Variants in CLSTN3 observed in about 807,000 individuals in gnomAD.
CLSTN3 encodes the protein calsyntenin 3, also known as calsyntenin-3.
In CLSTN3, 36 loss-of-function variants were observed where a neutral mutation model predicts 95.9. The observed-to-expected ratio is 0.38, with a 90% CI of 0.29 to 0.50. The LOEUF (loss-of-function observed/expected upper bound fraction) is 0.50, where lower values mean the gene tolerates loss of function less well. CLSTN3 is among the 20% of genes least tolerant of loss of function. The pLI, the probability that CLSTN3 is intolerant of heterozygous loss-of-function variation, is 0.95. For synonymous variants in CLSTN3, 481 were observed against 504.0 expected, an observed-to-expected ratio of 0.95 and a Z score of 0.61; for missense variants, 1,084 against 1,268.8, an observed-to-expected ratio of 0.85 and a Z score of 2.21.
At chr12:7,152,391 G>T (rs747821226) in intron 16 of CLSTN3, among the ~76,000 whole-genome samples, 1 of 152,232 alleles carries the variant, frequency 6.6e-6, no homozygotes, top group East Asian at 1.9e-4. Flanking sequence ...TTTTGACCCT[G>T]TTCAGTGTTA....
At chr12:7,136,502 C>G in intron 6 of CLSTN3, 111 bp downstream of exon 6, 1 of 1,097,004 alleles carries the variant, frequency 9.1e-7, no homozygotes, top group Non-Finnish European at 1.3e-6. Context: ...AGGTGTTTAT[C>G]CATAGAGGTT....
chr12:7,156,500 G>A, intron 16 of CLSTN3: 1 of 456,860 alleles, frequency 2.2e-6, no homozygotes, highest in South Asian at 1.5e-5. Flanking sequence ...GCTCTACCGT[G>A]CCTTGCTGGA....
rs750797901 is a variant in CLSTN3 at position 7,157,566 on chromosome 12, C to T, written c.2605C>T (p.Arg869Cys). The T allele has an allele frequency of 4.3e-5, 70 of 1,612,894 alleles. No individual in the cohort carries two copies. Among genetic ancestry groups the T allele is most frequent in the Non-Finnish European group, 5.7e-5 (67 of 1,179,604 alleles). ...LVLMVVLGLV[R>C]IHSLHRRVSG... ...GCTCATGGTCGTCCTGGGCCTGGTGCGCATCCATTCCCTTCACCGCCGCGT... is the reference window on the plus strand; with the variant it reads ...GCTCATGGTCGTCCTGGGCCTGGTGTGCATCCATTCCCTTCACCGCCGCGT... The change falls in exon 17 of 18, where the codon CGC (arginine) becomes TGC (cysteine). Residue 869 changes from arginine (R) to cysteine (C), a missense_variant. Arg to Cys is a radical substitution (Grantham distance 180). Coordinates refer to ENST00000266546, the MANE Select transcript of CLSTN3 (RefSeq NM_014718.4). This position sits in a 1 kb window ranked among gnomAD's most constrained non-coding sequence, Gnocchi z 5.9.
intron 12 of CLSTN3, 109 bp downstream of exon 12, chr12:7,143,420 A>G: frequency 7.8e-7 from 1 of 1,276,562 alleles, no homozygotes; most frequent in South Asian, 1.4e-5. Flanking sequence ...TGTTTTATGG[A>G]TGAGGAGATT....
Position 7,141,422 on chromosome 12 carries a change from G to C in CLSTN3, c.1486+18G>C, listed in dbSNP as rs370124618. On this transcript the variant is annotated intron_variant, in intron 9 of 17. Transcript: ENST00000266546. The surrounding 1 kb of genome is among the most constrained non-coding windows in gnomAD (Gnocchi z 4.1). ...CTGGACTGGTAAGCTTCTCAGTGAA[G>C]ACTCCAGTGGTTCAGGATTTGGGAA... is the stretch of plus-strand genomic sequence containing the variant. The C allele has an allele frequency of 6.2e-7, 1 of 1,614,008 alleles. No homozygotes were observed. Among genetic ancestry groups the C allele is most frequent in the Admixed American group, 1.7e-5 (1 of 59,998 alleles).
intron 12 of CLSTN3, 115 bp from the exon 13 acceptor site, chr12:7,148,857 C>T (rs1846750730): frequency 2.3e-6 from 2 of 864,310 alleles, no homozygotes; most frequent in Non-Finnish European, 3.6e-6. Flanking sequence ...CCTGCCCCTT[C>T]CTGACATGAG....
chr12:7,139,879 C>T (rs1019362713), intron 8 of CLSTN3, among the ~76,000 whole-genome samples: 4 of 152,100 alleles, frequency 2.6e-5, no homozygotes, highest in Non-Finnish European at 5.9e-5. Flanking sequence ...GATCTCTTGA[C>T]GTGATCCACC....
At chr12:7,151,545 G>A (rs1394516876) in intron 16 of CLSTN3, among the ~76,000 whole-genome samples, 3 of 152,160 alleles carry the variant, frequency 2.0e-5, no homozygotes, top group South Asian at 4.1e-4. Context: ...TATGTGCTAC[G>A]TATGCAGTCA....
chr12:7,129,220 A>G (rs1045845393), upstream of CLSTN3: 1 of 239,928 alleles, frequency 4.2e-6, no homozygotes, highest in East Asian at 9.5e-5. The surrounding 1 kb of genome is among the most constrained non-coding windows in gnomAD (Gnocchi z 5.5). Context: ...CTTTCCTGGG[A>G]GACACCTGAG....
chr12:7,130,303 T>TTCCCCC, upstream of CLSTN3: 1 of 778,326 alleles, frequency 1.3e-6, no homozygotes, highest in South Asian at 2.6e-5. Context: ...CAGCACCTGG[T>TTCCCCC]CCCCCCCCCT....
chr12:7,137,795 TGAGAGA>T lies in CLSTN3; in HGVS notation c.1211-138_1211-133del, dbSNP rs71067156. Among the ~76,000 whole-genome samples, 92 of 70,662 alleles carry T rather than the reference TGAGAGA, an allele frequency of 1.3e-3. 1 individual carries two copies. The highest frequency in any genetic ancestry group is 2.7e-3 in the East Asian group (5 of 1,882). The allele number at this position is 70,662 out of a possible 152,430, so 46.4% of individuals were successfully genotyped here. A position where few individuals can be genotyped will look rare whatever the true frequency, so the allele number is the denominator to read the frequency against. ...GTGTGTGTGTGTGTGTGTGTGTGTGTGAGAGAGAGAGAGAGAGAGAGAGAGAGGAAA... is the reference window on the plus strand; with the variant it reads ...GTGTGTGTGTGTGTGTGTGTGTGTGTGAGAGAGAGAGAGAGAGAGAGGAAA... On this transcript the variant is annotated intron_variant, in intron 7 of 17. Transcript: ENST00000266546. The surrounding 1 kb of genome is among the most constrained non-coding windows in gnomAD (Gnocchi z 4.4).
intron 8 of CLSTN3, among the ~76,000 whole-genome samples, chr12:7,140,395 GTA>G (rs1293814542): frequency 6.6e-6 from 1 of 152,130 alleles, no homozygotes. Flanking sequence ...AGTTACCAGT[GTA>G]TAACTATGGT....
chr12:7,141,985 A>G lies in CLSTN3; in HGVS notation c.1487-101A>G. ...GGTCAGAATCCCATGTGGGCATGAG[A>G]GCACTCATGGGGATGAGAGGAAGAC... On this transcript the variant is annotated intron_variant, in intron 9 of 17. Transcript: ENST00000266546. The surrounding 1 kb of genome is among the most constrained non-coding windows in gnomAD (Gnocchi z 4.1). 2.3e-6 allele frequency: 2 copies of G among 888,884 alleles called. No individual in the cohort carries two copies. The highest frequency in any genetic ancestry group is 3.4e-6 in the Non-Finnish European group (2 of 582,046). The allele number at this position is 888,884 out of a possible 1,614,324, so 55.1% of individuals were successfully genotyped here.
At position 7,157,906 on chromosome 12, in the gene CLSTN3, A is replaced by G; in HGVS notation, c.2731-35A>G. 2 of 1,547,846 alleles carry G rather than the reference A, an allele frequency of 1.3e-6. No homozygotes were observed. The highest frequency in any genetic ancestry group is 2.0e-5 in the Admixed American group (1 of 50,924). ...AGAGAGGCTGGGATGTGTGCAGGCC[A>G]TTGATCCCTTCTCCTCTCTGTTCCT... On this transcript the variant is annotated intron_variant, in intron 17 of 17. Coordinates refer to ENST00000266546, the MANE Select transcript of CLSTN3 (RefSeq NM_014718.4). This position sits in a 1 kb window ranked among gnomAD's most constrained non-coding sequence, Gnocchi z 5.9.
In CLSTN3 at chr12:7,149,442, G is replaced by A; in HGVS notation, c.2075-81G>A. 3 of 1,323,316 alleles carry A rather than the reference G, an allele frequency of 2.3e-6. No individual in the cohort carries two copies. The highest frequency in any genetic ancestry group is 3.2e-6 in the Non-Finnish European group (3 of 944,058). The allele number at this position is 1,323,316 out of a possible 1,614,324, so 82.0% of individuals were successfully genotyped here. ...CCCTGGCCCTGGAAAGGGAGGGAGA[G>A]TGGTGATGAGGGCATGGTTGGGTCT... On this transcript the variant is annotated intron_variant, in intron 13 of 17. Coordinates refer to ENST00000266546, the MANE Select transcript of CLSTN3 (RefSeq NM_014718.4). The surrounding 1 kb of genome is among the most constrained non-coding windows in gnomAD (Gnocchi z 4.5).
rs769912205 is a variant in CLSTN3, at chr12:7,157,138, CAG to C, written c.2528-350_2528-349del. On this transcript the variant is annotated intron_variant, in intron 16 of 17. Transcript: ENST00000266546. This position sits in a 1 kb window ranked among gnomAD's most constrained non-coding sequence, Gnocchi z 5.9. ...TCTGGGGAAGGCACAGGTGGAATGA[CAG>C]GGGCAGATTCCAGTCCTTGCCCTCT... Among the ~76,000 whole-genome samples, 4 of 152,198 alleles carry C rather than the reference CAG, an allele frequency of 2.6e-5. No individual in the cohort carries two copies. The highest frequency in any genetic ancestry group is 5.9e-5 in the Non-Finnish European group (4 of 68,042).
At position 7,130,441 on chromosome 12, in the gene CLSTN3, C is replaced by T; in HGVS notation, c.-208C>T. The T allele has an allele frequency of 1.4e-6, 2 of 1,461,094 alleles. No individual in the cohort carries two copies. Among genetic ancestry groups the T allele is most frequent in the South Asian group, 1.4e-5 (1 of 71,864 alleles). 90.5% of individuals were successfully genotyped at this position (1,461,094 alleles called of 1,614,324 possible). A position where few individuals can be genotyped will look rare whatever the true frequency, so the allele number is the denominator to read the frequency against. ...CTGGGCTGGGGGAAACGGGAAGCCGCTGCAAGTCCACCGCCTCAGCTACCC... is the reference window on the plus strand; with the variant it reads ...CTGGGCTGGGGGAAACGGGAAGCCGTTGCAAGTCCACCGCCTCAGCTACCC... On this transcript the variant is annotated 5_prime_UTR_variant, in exon 1 of 18. Coordinates refer to ENST00000266546, the MANE Select transcript of CLSTN3 (RefSeq NM_014718.4).
rs1230102445 is a variant in CLSTN3 at position 7,150,669 on chromosome 12, A to C, written c.2371A>C (p.Ser791Arg). ...SCSEMNGRYS[S>R]NEFIVEVNVL... ...CTCGGAAATGAATGGCCGTTACTCC[A>C]GCAATGAATTCATCGTGGAGGTACC... Residue 791 changes from serine to arginine, a missense_variant, in exon 15 of 18, where the codon AGC (serine) becomes CGC (arginine). Ser to Arg is a moderately radical substitution (Grantham distance 110). Transcript: ENST00000266546. This position sits in a 1 kb window ranked among gnomAD's most constrained non-coding sequence, Gnocchi z 4.0. The C allele has an allele frequency of 6.2e-7, 1 of 1,613,856 alleles. No homozygotes were observed. Among genetic ancestry groups the C allele is most frequent in the Non-Finnish European group, 8.5e-7 (1 of 1,179,718 alleles).
In CLSTN3 at chr12:7,143,249, C is replaced by T. The variant is rs1384644249; in HGVS notation, c.1785C>T (p.Tyr595=). The change falls in exon 12 of 18, where the codon TAC becomes TAT. Residue 595 remains tyrosine, a synonymous_variant. Transcript: ENST00000266546. ...TFNHALQHVA[Y]MNTLRFATPG... Reference sequence around the variant, plus strand: ...ACCATGCCCTGCAGCATGTGGCTTACATGAACACTCTGCGCTTTGCCACGC... The same window carrying T: ...ACCATGCCCTGCAGCATGTGGCTTATATGAACACTCTGCGCTTTGCCACGC... 6.2e-7 allele frequency: 1 copy of T among 1,613,624 alleles called. No individual in the cohort carries two copies. Among genetic ancestry groups the T allele is most frequent in the Non-Finnish European group, 8.5e-7 (1 of 1,180,060 alleles).
Sources: gnomAD v4.1 joint callset for allele counts (sites outside exome capture counted in the v4.1 genomes callset) on GRCh38, gnomAD v4.1.1 for gene constraint, Gnocchi (gnomAD v3.1) non-coding constraint, MANE v1.5 for transcripts, NCBI Gene and HGNC (gene_info 2026-07-23, HGNC 2026-07-21) for gene names.